HAGH: variants seen among roughly 807,000 people sequenced by gnomAD.
HAGH encodes the protein hydroxyacylglutathione hydrolase.
HAGH carries 29 observed loss-of-function variants against 35.1 expected under a neutral mutation model. That is an observed-to-expected ratio of 0.83 (90% CI 0.62 to 1.13). The LOEUF (loss-of-function observed/expected upper bound fraction) is 1.13. Among genes scored for constraint, HAGH ranks in the 50% most tolerant of loss-of-function variants. The probability of loss-of-function intolerance (pLI) is 0.00; values close to 1 mark genes in which losing one functional copy is unlikely to be tolerated. For synonymous variants in HAGH, 225 were observed against 176.1 expected, an observed-to-expected ratio of 1.28 and a Z score of -2.20; for missense variants, 478 against 419.6, an observed-to-expected ratio of 1.14 and a Z score of -1.22.
rs571905964 is a variant in HAGH, at chr16:1,812,730, T to C, written c.748-2897A>G. 4.6e-5 allele frequency among the ~76,000 whole-genome samples: 7 copies of C among 152,308 alleles called. No homozygotes were observed. In the East Asian group the frequency reaches 9.7e-4, roughly 21 times the overall value. On this transcript the variant is annotated intron_variant, in intron 7 of 8. Transcript: ENST00000397356. ...AAAGAATGAAGCATAAAAGAATCTATTGGACTTCATTAAAATTAAAAATGT... is the reference window on the plus strand; with the variant it reads ...AAAGAATGAAGCATAAAAGAATCTACTGGACTTCATTAAAATTAAAAATGT...
chr16:1,816,595 T>C (rs1897904483), intron 7 of HAGH, among the ~76,000 whole-genome samples: 1 of 152,338 alleles, frequency 6.6e-6, no homozygotes, highest in East Asian at 1.9e-4. Context: ...TTCTGTGGCC[T>C]GGAGAGCCAG....
intron 1 of HAGH, among the ~76,000 whole-genome samples, chr16:1,825,553 G>T (rs1898362892): frequency 6.6e-6 from 1 of 152,106 alleles, no homozygotes; most frequent in African/African-American, 2.4e-5. Context: ...ACCAAGTCCA[G>T]AAACATGTTC....
At chr16:1,810,324 G>C (rs1897589121) in intron 7 of HAGH, 1 of 159,248 alleles carries the variant, frequency 6.3e-6, no homozygotes, top group Admixed American at 6.1e-5. Flanking sequence ...CCGGCCTGGA[G>C]AGGACGACAG....
chr16:1,826,671 AGGCCCGCGTCCCCC>A (rs1034917520), intron 1 of HAGH, 27 bp downstream of exon 1: 1 of 970,404 alleles, frequency 1.0e-6, no homozygotes, highest in Non-Finnish European at 1.2e-6. Flanking sequence ...CCGCCCCGCC[AGGCCCGCGTCCCCC>A]GGCCCGCACC....
Position 1,809,187 on chromosome 16 carries a change from GGTTA to G in HAGH, c.*92_*95del. Reference sequence around the variant, plus strand: ...CACAAGCCAAGGGCTGTAAAATTAAGGTTAAATCAAGACTGAATTTCCCGCACGG... The same window carrying G: ...CACAAGCCAAGGGCTGTAAAATTAAGAATCAAGACTGAATTTCCCGCACGG... On this transcript the variant is annotated 3_prime_UTR_variant, in exon 9 of 9. Coordinates refer to ENST00000397356, the MANE Select transcript of HAGH (RefSeq NM_005326.6). The G allele has an allele frequency of 1.3e-6, 1 of 795,800 alleles. No homozygotes were observed. Among genetic ancestry groups the G allele is most frequent in the Non-Finnish European group, 2.1e-6 (1 of 476,102 alleles). 49.3% of individuals were successfully genotyped at this position (795,800 alleles called of 1,614,324 possible).
intron 7 of HAGH, among the ~76,000 whole-genome samples, chr16:1,813,753 A>G (rs749415179): frequency 1.3e-5 from 2 of 152,238 alleles, no homozygotes; most frequent in Non-Finnish European, 2.9e-5. Flanking sequence ...AACTAAAACC[A>G]TTTTGAAAAA....
chr16:1,811,504 GGA>G (rs1453475032), intron 7 of HAGH, among the ~76,000 whole-genome samples: 1 of 151,808 alleles, frequency 6.6e-6, no homozygotes, highest in Non-Finnish European at 1.5e-5. Context: ...CCTGAGGTCA[GGA>G]GTTTGAGACC....
chr16:1,813,792 G>C (rs1897767941), intron 7 of HAGH, among the ~76,000 whole-genome samples: 1 of 152,200 alleles, frequency 6.6e-6, no homozygotes, highest in African/African-American at 2.4e-5. Context: ...ACATACCAGT[G>C]CCAAGACTCA....
chr16:1,817,256 A>C lies in HAGH; in HGVS notation c.557T>G (p.Val186Gly). 1 of 1,611,702 alleles carries C rather than the reference A, an allele frequency of 6.2e-7. No individual in the cohort carries two copies. The highest frequency in any genetic ancestry group is 8.5e-7 in the Non-Finnish European group (1 of 1,177,800). ...TTCATAGAACTTCCCGCAGCCAGCCACAAACAAGGTGTCACCTGGAAACAA... is the reference window on the plus strand; with the variant it reads ...TTCATAGAACTTCCCGCAGCCAGCCCCAAACAAGGTGTCACCTGGAAACAA... ...PAVFTGDTLF[V>G]AGCGKFYEGT... The change falls in exon 6 of 9, where the codon GTG becomes GGG. Residue 186 changes from valine (V) to glycine (G), a missense_variant. Val to Gly is a moderately radical substitution (Grantham distance 109). Coordinates refer to ENST00000397356, the MANE Select transcript of HAGH (RefSeq NM_005326.6).
intron 3 of HAGH, among the ~76,000 whole-genome samples, 157 bp from the exon 4 acceptor site, chr16:1,820,171 C>T (rs1282468079): frequency 6.6e-6 from 1 of 152,108 alleles, no homozygotes; most frequent in Non-Finnish European, 1.5e-5. Flanking sequence ...ACCGAGGAAG[C>T]AAATCACAGA....
chr16:1,819,286 A>T, intron 4 of HAGH, 63 bp from the exon 5 acceptor site: 2 of 1,082,010 alleles, frequency 1.8e-6, no homozygotes, highest in Non-Finnish European at 2.7e-6. Context: ...TCCCGGGGTC[A>T]CGGCGCGCCG....
intron 1 of HAGH, among the ~76,000 whole-genome samples, chr16:1,824,966 G>C (rs1032941539): frequency 1.3e-5 from 2 of 152,194 alleles, no homozygotes; most frequent in African/African-American, 4.8e-5. Flanking sequence ...ACAGGATTCC[G>C]AGTGCCGGGC....
intron 7 of HAGH, among the ~76,000 whole-genome samples, chr16:1,814,695 C>T (rs1052346246): frequency 1.4e-4 from 22 of 151,824 alleles, no homozygotes; most frequent in African/African-American, 5.3e-4. Flanking sequence ...GTCAGGAGAT[C>T]GAGACCTTCC....
rs548098961 is a variant in HAGH, at chr16:1,813,283, G to A, written c.748-3450C>T. Among the ~76,000 whole-genome samples, 7 of 152,118 alleles carry A rather than the reference G, an allele frequency of 4.6e-5. No homozygotes were observed. The East Asian group carries it at 7.7e-4, about 17-fold the overall frequency. On this transcript the variant is annotated intron_variant, in intron 7 of 8. Coordinates refer to ENST00000397356, the MANE Select transcript of HAGH (RefSeq NM_005326.6). ...TGCTTCACACCCACCAGCTCCTTTC[G>A]CCTTCTGCCATGAGCAGAAGCAGCC...
rs1897487039 is a variant in HAGH at position 1,808,318 on chromosome 16, T to TG, written c.*964dup. On this transcript the variant is annotated 3_prime_UTR_variant, in exon 9 of 9. Coordinates refer to ENST00000397356, the MANE Select transcript of HAGH (RefSeq NM_005326.6). ...ATTAAATTTCATATTTTTTTTTTTT[T>TG]GAGACAGAGTCTTGCTCTGTCTCCC... 6.6e-6 allele frequency: 1 copy of TG among 151,300 alleles called. No individual in the cohort carries two copies. Among genetic ancestry groups the TG allele is most frequent in the Admixed American group, 6.6e-5 (1 of 15,210 alleles). The allele number at this position is 151,300 out of a possible 1,614,324, so 9.4% of individuals were successfully genotyped here.
intron 3 of HAGH, among the ~76,000 whole-genome samples, chr16:1,820,943 C>A (rs1177932650): frequency 6.6e-6 from 1 of 152,148 alleles, no homozygotes; most frequent in Non-Finnish European, 1.5e-5. Flanking sequence ...GTTAGAGGGG[C>A]CGGGGAACTA....
intron 1 of HAGH, 106 bp downstream of exon 1, chr16:1,826,606 C>A (rs1247726477): frequency 3.1e-6 from 3 of 981,196 alleles, no homozygotes; most frequent in African/African-American, 3.5e-5. Flanking sequence ...TAGGCACCTG[C>A]GCAACAGACA....
At chr16:1,819,283 G>T (rs1898042189) in intron 4 of HAGH, 60 bp from the exon 5 acceptor site, 1 of 1,107,342 alleles carries the variant, frequency 9.0e-7, no homozygotes, top group Admixed American at 2.1e-5. Context: ...ATCTCCCGGG[G>T]TCACGGCGCG....
chr16:1,826,546 G>C, intron 1 of HAGH, 166 bp downstream of exon 1: 1 of 714,586 alleles, frequency 1.4e-6, no homozygotes, highest in South Asian at 7.3e-5. Context: ...CCCGCTCCGC[G>C]CCAGCCTCAG....
Sources: allele counts gnomAD v4.1 joint callset (sites outside exome capture counted in the v4.1 genomes callset), GRCh38; gene constraint gnomAD v4.1.1; transcripts MANE v1.5; gene names NCBI Gene and HGNC (gene_info 2026-07-23, HGNC 2026-07-21).